DDAH1: variants seen among roughly 807,000 people sequenced by gnomAD.
The protein encoded by DDAH1 is dimethylarginine dimethylaminohydrolase 1.
In DDAH1, 19 loss-of-function variants were observed where a neutral mutation model predicts 28.8. The ratio of observed to expected loss-of-function variants is 0.66; its 90% CI spans 0.46 to 0.97. The LOEUF (loss-of-function observed/expected upper bound fraction) is 0.97, where lower values mean the gene tolerates loss of function less well. DDAH1 is among the 50% of genes least tolerant of loss of function. DDAH1 has a pLI of 0.00. For missense variants in DDAH1, 326 were observed against 375.9 expected (o/e 0.87, Z 1.10); for synonymous variants, 153 against 154.4 (o/e 0.99, Z 0.07).
At chr1:85,347,316 C>T (rs576389984) in intron 4 of DDAH1, among the ~76,000 whole-genome samples, 3 of 152,260 alleles carry the variant, frequency 2.0e-5, no homozygotes, top group East Asian at 1.9e-4. Context: ...CACATGCACA[C>T]GTATGTTTAC....
chr1:85,489,772 A>G (rs944780264), intron 2 of DDAH1, among the ~76,000 whole-genome samples: 1 of 152,208 alleles, frequency 6.6e-6, no homozygotes, highest in Non-Finnish European at 1.5e-5. Flanking sequence ...TAACTGTGTC[A>G]AATACTGGAA....
chr1:85,564,615 C>G (rs1659238695), intron 1 of DDAH1, among the ~76,000 whole-genome samples: 1 of 152,034 alleles, frequency 6.6e-6, no homozygotes, highest in African/African-American at 2.4e-5. Flanking sequence ...TGCCTGTAAT[C>G]CTAGCACTTT....
At chr1:85,384,949 C>A (rs1391028131) in intron 1 of DDAH1, among the ~76,000 whole-genome samples, 3 of 152,140 alleles carry the variant, frequency 2.0e-5, no homozygotes, top group Non-Finnish European at 4.4e-5. Context: ...AACCTTAACT[C>A]TAATGGAACT....
At chr1:85,539,861 T>G (rs1240769262) in intron 1 of DDAH1, among the ~76,000 whole-genome samples, 1 of 151,534 alleles carries the variant, frequency 6.6e-6, no homozygotes, top group Non-Finnish European at 1.5e-5. Context: ...CAAACTTAAT[T>G]CAACTCTCTT....
At chr1:85,401,123 C>G (rs1652082652) in intron 1 of DDAH1, among the ~76,000 whole-genome samples, 1 of 152,168 alleles carries the variant, frequency 6.6e-6, no homozygotes, top group African/African-American at 2.4e-5. Flanking sequence ...AACACTATCT[C>G]TCATCATTAA....
intron 1 of DDAH1, among the ~76,000 whole-genome samples, chr1:85,562,038 T>A (rs1659156831): frequency 6.6e-6 from 1 of 152,192 alleles, no homozygotes; most frequent in Admixed American, 6.6e-5. Flanking sequence ...TGACTACACA[T>A]TTTTATTCTT....
intron 1 of DDAH1, among the ~76,000 whole-genome samples, chr1:85,522,915 C>G (rs1480526220): frequency 6.7e-6 from 1 of 150,308 alleles, no homozygotes; most frequent in Non-Finnish European, 1.5e-5. Context: ...TTATGAGACA[C>G]TTTCTATGTG....
At chr1:85,505,054 C>T (rs1023141768) in intron 1 of DDAH1, among the ~76,000 whole-genome samples, 5 of 140,482 alleles carry the variant, frequency 3.6e-5, no homozygotes, top group South Asian at 4.6e-4. Flanking sequence ...GGCGTGATCT[C>T]GGCTCACTGC....
In DDAH1 at chr1:85,350,016, C is replaced by T. The variant is rs910356992; in HGVS notation, c.597+399G>A. On this transcript the variant is annotated intron_variant, in intron 4 of 5. Coordinates refer to ENST00000284031, the MANE Select transcript of DDAH1 (RefSeq NM_012137.4). ...AAAGATTATTATGAAATAGTCCAGA[C>T]GCAACAAAAGGATAAGAATAATATA... 9.2e-5 allele frequency among the ~76,000 whole-genome samples: 14 copies of T among 152,284 alleles called. No homozygotes were observed. In the East Asian group the frequency reaches 9.6e-4, roughly 10 times the overall value.
chr1:85,507,626 C>G (rs1025778630), intron 1 of DDAH1, among the ~76,000 whole-genome samples: 1 of 152,056 alleles, frequency 6.6e-6, no homozygotes, highest in African/African-American at 2.4e-5. Context: ...TCCTTAATAT[C>G]ATATAATACC....
intron 1 of DDAH1, among the ~76,000 whole-genome samples, chr1:85,541,960 C>T (rs1658483269): frequency 6.6e-6 from 1 of 152,190 alleles, no homozygotes; most frequent in African/African-American, 2.4e-5. Flanking sequence ...TTGTTGATAG[C>T]ACTCAGTCTA....
chr1:85,322,519 G>A (rs918247131), intron 5 of DDAH1, among the ~76,000 whole-genome samples: 6 of 152,174 alleles, frequency 3.9e-5, no homozygotes, highest in Non-Finnish European at 5.9e-5. Context: ...GAAGCACTGC[G>A]TTTCTTAAAA....
chr1:85,470,461 C>G (rs1655579468), intron 2 of DDAH1, among the ~76,000 whole-genome samples: 1 of 152,170 alleles, frequency 6.6e-6, no homozygotes, highest in African/African-American at 2.4e-5. Context: ...ATGGGAGCTA[C>G]AATTCAAGAT....
intron 1 of DDAH1, among the ~76,000 whole-genome samples, chr1:85,370,688 G>A (rs1208382811): frequency 1.3e-5 from 2 of 152,158 alleles, no homozygotes; most frequent in Non-Finnish European, 2.9e-5. Context: ...GAGGGTGGAC[G>A]GAAGTTGGTG....
At chr1:85,412,788 C>T (rs1557599086) in intron 1 of DDAH1, among the ~76,000 whole-genome samples, 2 of 152,142 alleles carry the variant, frequency 1.3e-5, no homozygotes, top group Admixed American at 6.6e-5. Context: ...ATTGCTTGAG[C>T]CCAGGAGTTC....
rs910889982 is a variant in DDAH1 at position 85,478,227 on chromosome 1, T to C, written c.-7+17939A>G. The stretch of plus-strand genomic sequence containing the variant: ...AAACATGGGTTTCCACTAAAGACCA[T>C]ATCATAGGATACATCTTTAAAAAGA... On this transcript the variant is annotated intron_variant, in intron 2 of 6. Coordinates refer to the DDAH1 transcript ENST00000426972. Among the ~76,000 whole-genome samples the C allele has an allele frequency of 2.6e-5, 4 of 152,190 alleles. No homozygotes were observed. The South Asian group carries it at 6.2e-4, about 24-fold the overall frequency.
At chr1:85,390,408 T>C (rs1046296233) in intron 1 of DDAH1, among the ~76,000 whole-genome samples, 3 of 152,152 alleles carry the variant, frequency 2.0e-5, no homozygotes, top group Non-Finnish European at 2.9e-5. Flanking sequence ...GTGGGGATTA[T>C]AGGAACTACA....
intron 2 of DDAH1, among the ~76,000 whole-genome samples, chr1:85,487,054 T>C (rs1466823838): frequency 6.6e-6 from 1 of 152,230 alleles, no homozygotes; most frequent in African/African-American, 2.4e-5. Flanking sequence ...AACAATTGGA[T>C]GTTTAATTCG....
rs191426476 is a variant in DDAH1 at position 85,496,890 on chromosome 1, C to G, written c.-122-609G>C. 2.0e-5 allele frequency among the ~76,000 whole-genome samples: 3 copies of G among 152,148 alleles called. No homozygotes were observed. In the East Asian group the frequency reaches 5.8e-4, roughly 29 times the overall value. ...CTGGTTTTCCTGCCATCATTCAGCA[C>G]GAACACTAATACTATAAAACTAATA... On this transcript the variant is annotated intron_variant, in intron 1 of 6. Transcript: ENST00000426972.
Sources: allele counts gnomAD v4.1 joint callset (sites outside exome capture counted in the v4.1 genomes callset), GRCh38; gene constraint gnomAD v4.1.1; transcripts MANE v1.5; gene names NCBI Gene and HGNC (gene_info 2026-07-23, HGNC 2026-07-21).